The following GABBR2 variants were observed in gnomAD, a reference collection of about 807,000 sequenced individuals.
GABBR2 encodes gamma-aminobutyric acid type B receptor subunit 2.
Under a neutral mutation model 105.6 loss-of-function variants are expected in GABBR2, and 23 were observed. The ratio of observed to expected loss-of-function variants is 0.22; its 90% CI spans 0.16 to 0.31. GABBR2 has a LOEUF of 0.31. Ranked by LOEUF, GABBR2 falls within the 10% of genes least tolerant of loss-of-function variation. The pLI, the probability that GABBR2 is intolerant of heterozygous loss-of-function variation, is 1.00. For synonymous variants in GABBR2, 478 were observed against 499.7 expected, an observed-to-expected ratio of 0.96 and a Z score of 0.58; for missense variants, 734 against 1,245.5, an observed-to-expected ratio of 0.59 and a Z score of 6.18.
intron 13 of GABBR2, among the ~76,000 whole-genome samples, chr9:98,319,167 C>T (rs907924003): frequency 1.3e-5 from 2 of 152,152 alleles, no homozygotes; most frequent in Non-Finnish European, 2.9e-5. Context: ...ATAACTTCCT[C>T]ATCTACAACC....
chr9:98,693,586 A>G (rs1830712615), intron 1 of GABBR2, among the ~76,000 whole-genome samples: 1 of 152,214 alleles, frequency 6.6e-6, no homozygotes, highest in South Asian at 2.1e-4. Flanking sequence ...TTCTTTAGAC[A>G]ACATGGCCAT....
At chr9:98,592,064 G>A (rs989578833) in intron 1 of GABBR2, among the ~76,000 whole-genome samples, 7 of 152,190 alleles carry the variant, frequency 4.6e-5, no homozygotes, top group Non-Finnish European at 7.3e-5. Flanking sequence ...TGGAACAACC[G>A]CCATCTTGAA....
At chr9:98,413,000 G>C (rs1362397453) in intron 7 of GABBR2, among the ~76,000 whole-genome samples, 1 of 152,056 alleles carries the variant, frequency 6.6e-6, no homozygotes, top group Non-Finnish European at 1.5e-5. Flanking sequence ...TGTATCTCTG[G>C]GTCTTCATTC....
intron 1 of GABBR2, among the ~76,000 whole-genome samples, chr9:98,641,478 G>A (rs1203722992): frequency 6.6e-6 from 1 of 152,012 alleles, no homozygotes; most frequent in African/African-American, 2.4e-5. Flanking sequence ...TCAGATACCT[G>A]TCACAGCATT....
At chr9:98,404,982 A>G (rs943285159) in intron 8 of GABBR2, among the ~76,000 whole-genome samples, 2 of 152,184 alleles carry the variant, frequency 1.3e-5, no homozygotes, top group African/African-American at 2.4e-5. Flanking sequence ...AAACGATATT[A>G]AGAATTGTTT....
chr9:98,599,895 G>A (rs772178445), intron 1 of GABBR2, among the ~76,000 whole-genome samples: 5 of 152,190 alleles, frequency 3.3e-5, no homozygotes, highest in Admixed American at 2.0e-4. Context: ...AGCCCGGTCT[G>A]GCTAAAGCAG....
intron 3 of GABBR2, among the ~76,000 whole-genome samples, chr9:98,532,397 G>C (rs1247196039): frequency 6.6e-6 from 1 of 152,216 alleles, no homozygotes; most frequent in East Asian, 1.9e-4. Flanking sequence ...TCAGATAAAA[G>C]TTGGGGCCCG....
At chr9:98,391,019 A>G (rs10760298) in intron 9 of GABBR2, among the ~76,000 whole-genome samples, 30,761 of 152,000 alleles carry the variant, frequency 0.2, 4,918 homozygotes, top group African/African-American at 0.44. Context: ...TTTCTTTCTC[A>G]CTTTTCATCT....
intron 1 of GABBR2, among the ~76,000 whole-genome samples, chr9:98,698,080 T>TG (rs1830779553): frequency 6.6e-6 from 1 of 152,222 alleles, no homozygotes; most frequent in South Asian, 2.1e-4. Flanking sequence ...AAGAAGAGTG[T>TG]GAAAAATATC....
chr9:98,590,151 G>A (rs1829127259), intron 1 of GABBR2, among the ~76,000 whole-genome samples: 1 of 152,160 alleles, frequency 6.6e-6, no homozygotes, highest in African/African-American at 2.4e-5. Flanking sequence ...AATCACTGCT[G>A]GTGGGTAGAG....
intron 13 of GABBR2, among the ~76,000 whole-genome samples, chr9:98,340,423 T>A (rs1831191617): frequency 6.8e-6 from 1 of 147,642 alleles, no homozygotes; most frequent in South Asian, 2.1e-4. Flanking sequence ...TGTGTGTTTC[T>A]CTCTCTCTCT....
In GABBR2 at chr9:98,672,074, T is replaced by C. The variant is rs1046053190; in HGVS notation, c.321+36343A>G. ...AATTGTGATGAAAAAATACATAATATAAAATTTACCATCTTAACCTTTTTA... is the reference window on the plus strand; with the variant it reads ...AATTGTGATGAAAAAATACATAATACAAAATTTACCATCTTAACCTTTTTA... On this transcript the variant is annotated intron_variant, in intron 1 of 18. Coordinates refer to ENST00000259455, the MANE Select transcript of GABBR2 (RefSeq NM_005458.8). Among the ~76,000 whole-genome samples, 79 of 152,268 alleles carry C rather than the reference T, an allele frequency of 5.2e-4. 1 individual carries two copies. Among genetic ancestry groups the C allele is most frequent in the African/African-American group, 1.7e-3 (72 of 41,540 alleles).
chr9:98,576,532 G>A (rs1195541673), intron 2 of GABBR2, among the ~76,000 whole-genome samples: 1 of 152,118 alleles, frequency 6.6e-6, no homozygotes, highest in Non-Finnish European at 1.5e-5. Flanking sequence ...CTTATCTTAA[G>A]GGCCAGACTG....
At chr9:98,371,375 T>G in intron 12 of GABBR2, 89 bp downstream of exon 12, 1 of 734,250 alleles carries the variant, frequency 1.4e-6, no homozygotes. Flanking sequence ...CCCCAGCAAA[T>G]AGCTCAGTGC....
At chr9:98,563,049 G>A (rs1171116084) in intron 2 of GABBR2, among the ~76,000 whole-genome samples, 2 of 132,306 alleles carry the variant, frequency 1.5e-5, no homozygotes, top group East Asian at 4.3e-4. Context: ...CAGCCTGGGT[G>A]ACAGAGCGAG....
chr9:98,413,444 A>C (rs1441233849), intron 7 of GABBR2, among the ~76,000 whole-genome samples: 1 of 150,528 alleles, frequency 6.6e-6, no homozygotes, highest in East Asian at 1.9e-4. Flanking sequence ...AAAGTTTAAA[A>C]AATATTCTTT....
chr9:98,345,094 A>G (rs755253327), intron 13 of GABBR2, among the ~76,000 whole-genome samples: 3 of 152,104 alleles, frequency 2.0e-5, no homozygotes, highest in African/African-American at 4.8e-5. Context: ...GAGTCAGTCA[A>G]TCACCACGTC....
intron 7 of GABBR2, among the ~76,000 whole-genome samples, chr9:98,442,013 C>T (rs60421482): frequency 0.032 from 4,829 of 152,184 alleles, 203 homozygotes; most frequent in East Asian, 0.19. Flanking sequence ...CTCTTTGGTG[C>T]GTGCCTGTAC....
intron 14 of GABBR2, among the ~76,000 whole-genome samples, chr9:98,310,317 C>T (rs1259668922): frequency 1.3e-5 from 2 of 151,894 alleles, no homozygotes; most frequent in Non-Finnish European, 2.9e-5. Context: ...GGCCTGATCT[C>T]GGCCCACCGC....
Sources: allele counts gnomAD v4.1 joint callset (sites outside exome capture counted in the v4.1 genomes callset), GRCh38; gene constraint gnomAD v4.1.1; transcripts MANE v1.5; gene names NCBI Gene and HGNC (gene_info 2026-07-23, HGNC 2026-07-21).